Variants in CNTN5 observed in about 807,000 individuals in gnomAD.
CNTN5 encodes contactin 5.
In CNTN5, 77 loss-of-function variants were observed where a neutral mutation model predicts 129.1. The observed-to-expected ratio is 0.60, with a 90% CI of 0.50 to 0.72. The LOEUF is 0.72. Among genes scored for constraint, CNTN5 ranks in the 30% least tolerant of loss-of-function variants. The pLI, the probability that CNTN5 is intolerant of heterozygous loss-of-function variation, is 0.00. For synonymous variants in CNTN5, 509 were observed against 465.6 expected (o/e 1.09, Z -1.20); for missense variants, 1,478 against 1,328.8 (o/e 1.11, Z -1.75).
chr11:99,997,791 A>T (rs1939556164), intron 8 of CNTN5, among the ~76,000 whole-genome samples: 1 of 152,162 alleles, frequency 6.6e-6, no homozygotes, highest in African/African-American at 2.4e-5. Flanking sequence ...GCAGCACATC[A>T]AAAAGCTTAT....
At chr11:99,840,183 C>T (rs938127999) in intron 4 of CNTN5, among the ~76,000 whole-genome samples, 9 of 152,024 alleles carry the variant, frequency 5.9e-5, no homozygotes, top group Middle Eastern at 3.2e-3. Context: ...GAAAAATACA[C>T]GCAAAATCAT....
chr11:99,507,537 G>C (rs1433835144), intron 2 of CNTN5, among the ~76,000 whole-genome samples: 1 of 152,012 alleles, frequency 6.6e-6, no homozygotes, highest in African/African-American at 2.4e-5. Context: ...AATGGGTTGT[G>C]ATGTGTAGCT....
intron 9 of CNTN5, among the ~76,000 whole-genome samples, chr11:100,002,782 G>A (rs1816141674): frequency 6.6e-6 from 1 of 152,072 alleles, no homozygotes. Flanking sequence ...GAGATCAGAG[G>A]CAGAAGTGGA....
rs1591528250 is a variant in CNTN5, at chr11:100,340,747, G to A, written c.2917+98G>A. ...AGGTGCATAATAAGCAGAGTCAAAGGGGAGTTTTGATTCATAGTCTTGCTT... is the reference window on the plus strand; with the variant it reads ...AGGTGCATAATAAGCAGAGTCAAAGAGGAGTTTTGATTCATAGTCTTGCTT... On this transcript the variant is annotated intron_variant, in intron 22 of 24. Transcript: ENST00000524871. 2.2e-5 allele frequency: 24 copies of A among 1,092,464 alleles called. No individual in the cohort carries two copies. In the South Asian group the frequency reaches 4.1e-4, roughly 19 times the overall value. The allele number at this position is 1,092,464 out of a possible 1,614,324, so 67.7% of individuals were successfully genotyped here.
chr11:99,296,074 T>A (rs529052237), intron 1 of CNTN5, among the ~76,000 whole-genome samples: 27 of 152,268 alleles, frequency 1.8e-4, no homozygotes, highest in Non-Finnish European at 3.5e-4. Context: ...GGCCCCCTTT[T>A]AATTTCTATT....
At chr11:99,426,072 A>T (rs947994863) in intron 2 of CNTN5, among the ~76,000 whole-genome samples, 1 of 152,244 alleles carries the variant, frequency 6.6e-6, no homozygotes, top group African/African-American at 2.4e-5. Flanking sequence ...TTAATAGCAT[A>T]TTTATAAAAA....
chr11:99,577,501 T>C (rs1388753802), intron 3 of CNTN5, among the ~76,000 whole-genome samples: 1 of 152,200 alleles, frequency 6.6e-6, no homozygotes, highest in Admixed American at 6.6e-5. Flanking sequence ...CATTTATGTT[T>C]CTATGAAGCA....
chr11:99,879,574 C>T (rs962356755), intron 6 of CNTN5, among the ~76,000 whole-genome samples: 5 of 151,932 alleles, frequency 3.3e-5, no homozygotes, highest in South Asian at 2.1e-4. Context: ...ATACCTAGTG[C>T]GAACTGTGTT....
intron 2 of CNTN5, among the ~76,000 whole-genome samples, chr11:99,511,068 G>C (rs558025002): frequency 6.7e-6 from 1 of 150,266 alleles, no homozygotes; most frequent in African/African-American, 2.5e-5. Flanking sequence ...TTTAAAAAGC[G>C]TAAACATTAA....
rs550001418 is a variant in CNTN5 at position 100,179,013 on chromosome 11, A to T, written c.1581-12113A>T. Among the ~76,000 whole-genome samples, 7 of 152,272 alleles carry T rather than the reference A, an allele frequency of 4.6e-5. No individual in the cohort carries two copies. In the South Asian group the frequency reaches 1.4e-3, roughly 32 times the overall value. On this transcript the variant is annotated intron_variant, in intron 13 of 24. Coordinates refer to ENST00000524871, the MANE Select transcript of CNTN5 (RefSeq NM_014361.4). ...GGCACATGACCTGTTTTGATACAGG[A>T]ATACAATGTGTAATCATCACATCAG...
chr11:99,034,555 G>A (rs1432080051), intron 1 of CNTN5, among the ~76,000 whole-genome samples: 8 of 151,082 alleles, frequency 5.3e-5, no homozygotes, highest in East Asian at 4.0e-4. Context: ...GTTTATTTGC[G>A]TAGAGGTGTT....
At chr11:99,093,852 T>C (rs1866357505) in intron 1 of CNTN5, among the ~76,000 whole-genome samples, 1 of 151,976 alleles carries the variant, frequency 6.6e-6, no homozygotes, top group Non-Finnish European at 1.5e-5. Context: ...CTCAGAGAAT[T>C]TAATAACTTG....
intron 8 of CNTN5, among the ~76,000 whole-genome samples, chr11:99,966,168 G>A (rs1951088609): frequency 6.6e-6 from 1 of 152,044 alleles, no homozygotes; most frequent in Non-Finnish European, 1.5e-5. Flanking sequence ...ACACTTCTCT[G>A]AAAAAATGTA....
At chr11:99,500,914 A>G (rs913145171) in intron 2 of CNTN5, among the ~76,000 whole-genome samples, 3 of 152,182 alleles carry the variant, frequency 2.0e-5, no homozygotes, top group Non-Finnish European at 4.4e-5. Flanking sequence ...GCAAAGCTAT[A>G]TGAAAGTTAT....
intron 3 of CNTN5, among the ~76,000 whole-genome samples, chr11:99,629,038 T>C (rs1951240227): frequency 6.6e-6 from 1 of 151,994 alleles, no homozygotes; most frequent in African/African-American, 2.4e-5. Flanking sequence ...TTAAAATTAT[T>C]AACTGCTCCT....
At chr11:100,314,464 C>A (rs1290924730) in intron 21 of CNTN5, among the ~76,000 whole-genome samples, 1 of 152,058 alleles carries the variant, frequency 6.6e-6, no homozygotes, top group Non-Finnish European at 1.5e-5. Context: ...TTATTTCCTT[C>A]TAGAATATGT....
intron 21 of CNTN5, 28 bp downstream of exon 21, chr11:100,308,496 CTTA>C: frequency 6.3e-7 from 1 of 1,590,784 alleles, no homozygotes; most frequent in Non-Finnish European, 8.6e-7. Context: ...GAAAATAAGC[CTTA>C]TTGTTTCTTC....
At chr11:99,466,502 T>G (rs112702539) in intron 2 of CNTN5, among the ~76,000 whole-genome samples, 1 of 152,198 alleles carries the variant, frequency 6.6e-6, no homozygotes, top group Admixed American at 6.5e-5. Flanking sequence ...TTATATGGTT[T>G]CTTATATAGT....
intron 3 of CNTN5, among the ~76,000 whole-genome samples, chr11:99,707,398 A>G (rs1204839953): frequency 6.6e-6 from 1 of 151,676 alleles, no homozygotes; most frequent in African/African-American, 2.4e-5. Flanking sequence ...ACTATTCCCC[A>G]TTTGATTATC....
Sources: gnomAD v4.1 joint callset for allele counts (sites outside exome capture counted in the v4.1 genomes callset) on GRCh38, gnomAD v4.1.1 for gene constraint, MANE v1.5 for transcripts, NCBI Gene and HGNC (gene_info 2026-07-23, HGNC 2026-07-21) for gene names.